Variants in MXD1 observed in about 807,000 individuals in gnomAD.
MXD1 encodes MAX-binding protein.
A neutral mutation model predicts 25.7 loss-of-function variants in MXD1; 9 were observed. The ratio of observed to expected loss-of-function variants is 0.35; its 90% CI spans 0.21 to 0.61. The LOEUF (loss-of-function observed/expected upper bound fraction) is 0.61, where lower values mean the gene tolerates loss of function less well. Among genes scored for constraint, MXD1 ranks in the 20% least tolerant of loss-of-function variants. The pLI is 0.75. For synonymous variants in MXD1, 99 were observed against 113.9 expected, an observed-to-expected ratio of 0.87 and a Z score of 0.83; for missense variants, 227 against 292.4, an observed-to-expected ratio of 0.78 and a Z score of 1.63.
rs1558573986 is a variant in MXD1 at position 69,938,323 on chromosome 2, C to T, written c.*39C>T. On this transcript the variant is annotated 3_prime_UTR_variant, in exon 6 of 6. Transcript: ENST00000264444. ...GCGGCTGTCTCCTTGAAGGTTCTCCCTGTTGGTTCTGATTAGGTAACGTAT... is the reference window on the plus strand; with the variant it reads ...GCGGCTGTCTCCTTGAAGGTTCTCCTTGTTGGTTCTGATTAGGTAACGTAT... The T allele has an allele frequency of 1.1e-5, 18 of 1,602,600 alleles. No homozygotes were observed. Among genetic ancestry groups the T allele is most frequent in the Non-Finnish European group, 1.5e-5 (18 of 1,172,372 alleles).
chr2:69,932,139 T>C (rs1359014614), intron 3 of MXD1, among the ~76,000 whole-genome samples: 1 of 152,124 alleles, frequency 6.6e-6, no homozygotes, highest in African/African-American at 2.4e-5. Context: ...GACGGGTGTT[T>C]GTTCTGCTTG....
intron 2 of MXD1, 93 bp downstream of exon 2, chr2:69,916,313 A>G (rs550262234): frequency 4.0e-6 from 3 of 741,690 alleles, no homozygotes; most frequent in African/African-American, 3.5e-5. Flanking sequence ...TTATAACCCT[A>G]TAAAATTACA....
chr2:69,923,773 G>A (rs1202442081), intron 3 of MXD1, among the ~76,000 whole-genome samples: 1 of 152,204 alleles, frequency 6.6e-6, no homozygotes. Context: ...AAGGGGAAAG[G>A]TAGTCAGTTG....
chr2:69,942,293 C>T lies in MXD1; in HGVS notation c.*4009C>T, dbSNP rs1024640318. On this transcript the variant is annotated 3_prime_UTR_variant, in exon 6 of 6. Coordinates refer to ENST00000264444, the MANE Select transcript of MXD1 (RefSeq NM_002357.4). ...TTCTACATCCTCTGATCTCTATAGA[C>T]TGTAGGATGCTTTGCTTTCAAAGAT... The T allele has an allele frequency of 6.6e-6, 1 of 152,170 alleles. No individual in the cohort carries two copies. Among genetic ancestry groups the T allele is most frequent in the Non-Finnish European group, 1.5e-5 (1 of 68,020 alleles). The allele number at this position is 152,170 out of a possible 1,614,324, so 9.4% of individuals were successfully genotyped here. A position where few individuals can be genotyped will look rare whatever the true frequency, so the allele number is the denominator to read the frequency against.
chr2:69,932,186 G>A (rs1247727488), intron 3 of MXD1, among the ~76,000 whole-genome samples: 1 of 152,038 alleles, frequency 6.6e-6, no homozygotes, highest in Non-Finnish European at 1.5e-5. Flanking sequence ...CTCAGGGCTG[G>A]CAGAGGGATT....
intron 3 of MXD1, among the ~76,000 whole-genome samples, chr2:69,929,263 C>T (rs776420017): frequency 1.3e-5 from 2 of 152,200 alleles, no homozygotes; most frequent in Non-Finnish European, 2.9e-5. Flanking sequence ...CACACACATA[C>T]CCACACACCC....
intron 3 of MXD1, among the ~76,000 whole-genome samples, chr2:69,923,055 A>C (rs1286935262): frequency 6.8e-6 from 1 of 147,214 alleles, no homozygotes; most frequent in African/African-American, 2.5e-5. Flanking sequence ...AAAAAAAAAA[A>C]CACACAAAAC....
intron 3 of MXD1, among the ~76,000 whole-genome samples, chr2:69,928,140 A>G (rs561655352): frequency 5.9e-5 from 9 of 152,294 alleles, no homozygotes; most frequent in African/African-American, 1.9e-4. Flanking sequence ...TTTCCTTATT[A>G]TACAGCTCAT....
In MXD1 at chr2:69,940,352, C is replaced by A. The variant is rs1303743906; in HGVS notation, c.*2068C>A. Reference sequence around the variant, plus strand: ...TTTGAGGTCCCTTTTGAATGCCATTCACTAGACCTCTCAAGCATTTTGTTT... The same window carrying A: ...TTTGAGGTCCCTTTTGAATGCCATTAACTAGACCTCTCAAGCATTTTGTTT... On this transcript the variant is annotated 3_prime_UTR_variant, in exon 6 of 6. Transcript: ENST00000264444. 2 of 152,214 alleles carry A rather than the reference C, an allele frequency of 1.3e-5. No individual in the cohort carries two copies. Among genetic ancestry groups the A allele is most frequent in the African/African-American group, 2.4e-5 (1 of 41,406 alleles). The allele number at this position is 152,214 out of a possible 1,614,324, so 9.4% of individuals were successfully genotyped here.
Position 69,940,215 on chromosome 2 carries a change from C to T in MXD1, c.*1931C>T, listed in dbSNP as rs1162972296. On this transcript the variant is annotated 3_prime_UTR_variant, in exon 6 of 6. Coordinates refer to ENST00000264444, the MANE Select transcript of MXD1 (RefSeq NM_002357.4). ...CCAGCTAAAGATTTGCACTGAAATACAACTTGTATGCCTTTTGCATTTTTA... is the reference window on the plus strand; with the variant it reads ...CCAGCTAAAGATTTGCACTGAAATATAACTTGTATGCCTTTTGCATTTTTA... The T allele has an allele frequency of 6.7e-6, 1 of 148,376 alleles. No homozygotes were observed. Among genetic ancestry groups the T allele is most frequent in the Non-Finnish European group, 1.5e-5 (1 of 67,368 alleles). The allele number at this position is 148,376 out of a possible 1,614,324, so 9.2% of individuals were successfully genotyped here.
Position 69,941,668 on chromosome 2 carries a change from T to C in MXD1, c.*3384T>C, listed in dbSNP as rs1167404042. The stretch of plus-strand genomic sequence containing the variant: ...TCAACCTGAGTTTCCTATGGGCCTC[T>C]CTTCTGCATCCCCAAAGCGGCCAAG... On this transcript the variant is annotated 3_prime_UTR_variant, in exon 6 of 6. Transcript: ENST00000264444. 1 of 152,188 alleles carries C rather than the reference T, an allele frequency of 6.6e-6. No homozygotes were observed. The highest frequency in any genetic ancestry group is 2.4e-5 in the African/African-American group (1 of 41,438). 9.4% of individuals were successfully genotyped at this position (152,188 alleles called of 1,614,324 possible).
At chr2:69,918,863 G>A (rs755899901) in intron 2 of MXD1, among the ~76,000 whole-genome samples, 10 of 152,124 alleles carry the variant, frequency 6.6e-5, no homozygotes, top group East Asian at 1.9e-4. Context: ...AATTAAAAAC[G>A]TAAATGTTTA....
intron 3 of MXD1, among the ~76,000 whole-genome samples, chr2:69,923,951 C>T (rs145778104): frequency 1.3e-4 from 20 of 152,236 alleles, no homozygotes; most frequent in African/African-American, 4.1e-4. Flanking sequence ...AAAATTTGAT[C>T]GCTTCACATA....
chr2:69,941,880 A>T lies in MXD1; in HGVS notation c.*3596A>T, dbSNP rs1677612984. The T allele has an allele frequency of 6.6e-6, 1 of 152,128 alleles. No homozygotes were observed. Among genetic ancestry groups the T allele is most frequent in the Non-Finnish European group, 1.5e-5 (1 of 68,028 alleles). The allele number at this position is 152,128 out of a possible 1,614,324, so 9.4% of individuals were successfully genotyped here. Reference sequence around the variant, plus strand: ...TCTATATATACACACACACACACACACACACATATTATTATTTAGGTTTTT... The same window carrying T: ...TCTATATATACACACACACACACACTCACACATATTATTATTTAGGTTTTT... On this transcript the variant is annotated 3_prime_UTR_variant, in exon 6 of 6. Transcript: ENST00000264444.
chr2:69,938,803 G>A lies in MXD1; in HGVS notation c.*519G>A, dbSNP rs1677523180. 2 of 153,866 alleles carry A rather than the reference G, an allele frequency of 1.3e-5. No individual in the cohort carries two copies. Among genetic ancestry groups the A allele is most frequent in the South Asian group, 4.0e-4 (2 of 5,062 alleles). 9.5% of individuals were successfully genotyped at this position (153,866 alleles called of 1,614,324 possible). A position where few individuals can be genotyped will look rare whatever the true frequency, so the allele number is the denominator to read the frequency against. Reference sequence around the variant, plus strand: ...ACCTCACCACCAGTGAGGAAGTCAGGAATACCTCTAGAAAACACGCCCTTC... The same window carrying A: ...ACCTCACCACCAGTGAGGAAGTCAGAAATACCTCTAGAAAACACGCCCTTC... On this transcript the variant is annotated 3_prime_UTR_variant, in exon 6 of 6. Transcript: ENST00000264444.
Position 69,935,381 on chromosome 2 carries a change from G to T in MXD1, c.234G>T (p.Lys78Asn), listed in dbSNP as rs1386232088. Reference sequence around the variant, plus strand: ...CTCATCTTCGCTTGTGCCTGGAGAAGTTGAAGGGGCTGGTGCCACTTGGAC... The same window carrying T: ...CTCATCTTCGCTTGTGCCTGGAGAATTTGAAGGGGCTGGTGCCACTTGGAC... ...RRAHLRLCLE[K>N]LKGLVPLGPE... Residue 78 changes from lysine to asparagine, a missense_variant, in exon 4 of 6, where the codon AAG becomes AAT. Coordinates refer to ENST00000264444, the MANE Select transcript of MXD1 (RefSeq NM_002357.4). The T allele has an allele frequency of 1.2e-6, 2 of 1,614,146 alleles. No individual in the cohort carries two copies. Among genetic ancestry groups the T allele is most frequent in the South Asian group, 2.2e-5 (2 of 91,082 alleles).
chr2:69,920,685 C>T (rs946498395), intron 2 of MXD1, among the ~76,000 whole-genome samples: 3 of 152,138 alleles, frequency 2.0e-5, no homozygotes, highest in Non-Finnish European at 4.4e-5. Flanking sequence ...ATGAGCTGAA[C>T]CAGGGAGTAA....
rs1677563883 is a variant in MXD1 at position 69,940,176 on chromosome 2, A to C, written c.*1892A>C. ...TTTTTTTTTTTTTTTAATTTTTGGA[A>C]TCTTTTCCAATAACCAGCTAAAGAT... On this transcript the variant is annotated 3_prime_UTR_variant, in exon 6 of 6. Coordinates refer to ENST00000264444, the MANE Select transcript of MXD1 (RefSeq NM_002357.4). The C allele has an allele frequency of 6.8e-6, 1 of 147,968 alleles. No individual in the cohort carries two copies. The highest frequency in any genetic ancestry group is 1.5e-5 in the Non-Finnish European group (1 of 67,248). 9.2% of individuals were successfully genotyped at this position (147,968 alleles called of 1,614,324 possible).
intron 3 of MXD1, among the ~76,000 whole-genome samples, chr2:69,924,745 GCT>G (rs3033750): frequency 0.53 from 79,882 of 150,922 alleles, 22,891 homozygotes; most frequent in African/African-American, 0.77. Flanking sequence ...GATTGCCATG[GCT>G]CTCAAAAAAA....
Sources: gnomAD v4.1 joint callset for allele counts (sites outside exome capture counted in the v4.1 genomes callset) on GRCh38, gnomAD v4.1.1 for gene constraint, MANE v1.5 for transcripts, NCBI Gene and HGNC (gene_info 2026-07-23, HGNC 2026-07-21) for gene names.